The following SEMA3A variants were observed in gnomAD, a reference collection of about 807,000 sequenced individuals.
SEMA3A encodes semaphorin-3A.
Under a neutral mutation model 97.9 loss-of-function variants are expected in SEMA3A, and 29 were observed. The ratio of observed to expected loss-of-function variants is 0.30; its 90% CI spans 0.22 to 0.40. The LOEUF (loss-of-function observed/expected upper bound fraction) is 0.40, where lower values mean the gene tolerates loss of function less well. Ranked by LOEUF, SEMA3A falls within the 10% of genes least tolerant of loss-of-function variation. The pLI is 1.00. For missense variants in SEMA3A, 763 were observed against 951.3 expected, an observed-to-expected ratio of 0.80 and a Z score of 2.60; for synonymous variants, 321 against 323.7, an observed-to-expected ratio of 0.99 and a Z score of 0.09.
intron 4 of SEMA3A, among the ~76,000 whole-genome samples, chr7:84,063,603 C>T (rs1274915711): frequency 6.6e-6 from 1 of 150,988 alleles, no homozygotes; most frequent in African/African-American, 2.4e-5. Context: ...AACCAAGGCT[C>T]GAGAACTACA....
At chr7:84,048,210 C>T (rs1246418469) in intron 5 of SEMA3A, among the ~76,000 whole-genome samples, 1 of 151,970 alleles carries the variant, frequency 6.6e-6, no homozygotes, top group Non-Finnish European at 1.5e-5. Flanking sequence ...TTCAAAAGCA[C>T]TTTATACATT....
intron 3 of SEMA3A, among the ~76,000 whole-genome samples, chr7:84,263,979 A>T (rs946337294): frequency 2.0e-5 from 3 of 152,250 alleles, no homozygotes; most frequent in Non-Finnish European, 2.9e-5. Flanking sequence ...AATATAACAT[A>T]TACTAACTTA....
intron 3 of SEMA3A, among the ~76,000 whole-genome samples, chr7:84,262,224 T>C (rs949188886): frequency 6.6e-5 from 10 of 152,166 alleles, no homozygotes; most frequent in African/African-American, 2.4e-4. Flanking sequence ...TTTTTGTTTT[T>C]TGTTTTTGAG....
At chr7:84,235,303 TATG>T (rs1442656917) in intron 3 of SEMA3A, among the ~76,000 whole-genome samples, 1 of 152,040 alleles carries the variant, frequency 6.6e-6, no homozygotes, top group African/African-American at 2.4e-5. Context: ...GATAAACTGG[TATG>T]ATGCATATGA....
chr7:84,162,521 A>C (rs565569915), intron 1 of SEMA3A, among the ~76,000 whole-genome samples: 4 of 152,244 alleles, frequency 2.6e-5, no homozygotes, highest in Non-Finnish European at 4.4e-5. Flanking sequence ...ATAAAAACTG[A>C]AGGATGACTC....
At chr7:84,414,411 CAG>C (rs1804372999) in intron 1 of SEMA3A, among the ~76,000 whole-genome samples, 1 of 139,090 alleles carries the variant, frequency 7.2e-6, no homozygotes, top group Non-Finnish European at 1.6e-5. Context: ...AAAAAAAAAA[CAG>C]TATTGTTATG....
intron 1 of SEMA3A, among the ~76,000 whole-genome samples, chr7:84,418,864 T>C (rs1804508447): frequency 1.3e-5 from 2 of 151,892 alleles, no homozygotes; most frequent in Admixed American, 1.3e-4. Flanking sequence ...TAACTGTGAG[T>C]CAATTCTCTC....
chr7:84,094,445 T>C (rs916895685), intron 4 of SEMA3A, among the ~76,000 whole-genome samples: 1 of 152,000 alleles, frequency 6.6e-6, no homozygotes, highest in Non-Finnish European at 1.5e-5. Context: ...TTAAAGAAAT[T>C]AAGGCCAATT....
At chr7:84,023,912 T>C (rs1202219601) in intron 6 of SEMA3A, among the ~76,000 whole-genome samples, 1 of 150,278 alleles carries the variant, frequency 6.7e-6, no homozygotes, top group African/African-American at 2.5e-5. Context: ...CTCGGGAGGC[T>C]GAGGCAGGAG....
At chr7:84,011,613 C>A (rs1441128555) in intron 7 of SEMA3A, among the ~76,000 whole-genome samples, 1 of 152,060 alleles carries the variant, frequency 6.6e-6, no homozygotes, top group African/African-American at 2.4e-5. Flanking sequence ...GGTCCATTTA[C>A]ACAATGGTCT....
At chr7:84,015,846 T>C (rs1791077793) in intron 6 of SEMA3A, among the ~76,000 whole-genome samples, 1 of 152,198 alleles carries the variant, frequency 6.6e-6, no homozygotes, top group African/African-American at 2.4e-5. Context: ...AGGGAAATTA[T>C]ACAGATTCTG....
chr7:84,320,157 T>A (rs1801611908), intron 2 of SEMA3A, among the ~76,000 whole-genome samples: 1 of 152,114 alleles, frequency 6.6e-6, no homozygotes, highest in African/African-American at 2.4e-5. Context: ...TGACCACACA[T>A]CAAGATAATT....
intron 3 of SEMA3A, among the ~76,000 whole-genome samples, chr7:84,239,226 G>T (rs944075586): frequency 6.6e-6 from 1 of 152,112 alleles, no homozygotes; most frequent in African/African-American, 2.4e-5. Context: ...AAAATTAATA[G>T]TTTTTTAATT....
chr7:84,251,076 T>C (rs925862888), intron 3 of SEMA3A, among the ~76,000 whole-genome samples: 2 of 152,192 alleles, frequency 1.3e-5, no homozygotes, highest in African/African-American at 4.8e-5. Context: ...AAAGTATAAA[T>C]AGGTTCAAAT....
At chr7:84,142,998 A>T (rs754774843) in intron 1 of SEMA3A, among the ~76,000 whole-genome samples, 2 of 152,152 alleles carry the variant, frequency 1.3e-5, no homozygotes, top group Non-Finnish European at 2.9e-5. Flanking sequence ...CACTAATCTG[A>T]TCCATCGCTA....
chr7:84,417,177 A>C (rs1804460011), intron 1 of SEMA3A, among the ~76,000 whole-genome samples: 2 of 152,204 alleles, frequency 1.3e-5, no homozygotes, highest in African/African-American at 2.4e-5. Flanking sequence ...TTGTGATTTA[A>C]TACTTAATTA....
intron 6 of SEMA3A, among the ~76,000 whole-genome samples, chr7:84,034,621 T>A (rs370455578): frequency 6.6e-6 from 1 of 152,196 alleles, no homozygotes; most frequent in African/African-American, 2.4e-5. Context: ...TTTTCAAATA[T>A]TGCTTTTAAT....
chr7:83,967,185 C>A (rs1426712024), intron 15 of SEMA3A, among the ~76,000 whole-genome samples: 2 of 152,094 alleles, frequency 1.3e-5, no homozygotes, highest in African/African-American at 4.8e-5. Context: ...TTCCCCTAAC[C>A]TGACATCTTA....
chr7:83,989,159 G>A (rs1452995059), intron 12 of SEMA3A, among the ~76,000 whole-genome samples: 1 of 151,922 alleles, frequency 6.6e-6, no homozygotes, highest in Non-Finnish European at 1.5e-5. Flanking sequence ...GTTTACAATC[G>A]AAATTCAAAG....
Sources: allele counts gnomAD v4.1 joint callset (sites outside exome capture counted in the v4.1 genomes callset), GRCh38; gene constraint gnomAD v4.1.1; transcripts MANE v1.5; gene names NCBI Gene and HGNC (gene_info 2026-07-23, HGNC 2026-07-21).